The following AFDN variants were observed in gnomAD, a reference collection of about 807,000 sequenced individuals.
AFDN encodes the protein afadin.
Under a neutral mutation model 216.6 loss-of-function variants are expected in AFDN, and 68 were observed. That is an observed-to-expected ratio of 0.31 (90% CI 0.26 to 0.38). AFDN has a LOEUF of 0.38. Ranked by LOEUF, AFDN falls within the 10% of genes least tolerant of loss-of-function variation. The pLI is 1.00. For missense variants in AFDN, 2,136 were observed against 2,342.0 expected (o/e 0.91, Z 1.82); for synonymous variants, 868 against 853.7 (o/e 1.02, Z -0.29).
chr6:167,862,518 G>A (rs1184294969), intron 1 of AFDN, among the ~76,000 whole-genome samples: 1 of 152,146 alleles, frequency 6.6e-6, no homozygotes, highest in East Asian at 1.9e-4. Flanking sequence ...TGAGATTACA[G>A]GTGCCTGCCA....
At chr6:167,966,413 G>GCAGAGGAGGATCAC in intron 32 of AFDN, 1 of 660,508 alleles carries the variant, frequency 1.5e-6, no homozygotes, top group Non-Finnish European at 2.2e-6. Context: ...ACTGGTCTCG[G>GCAGAGGAGGATCAC]CATGGTGATC....
intron 1 of AFDN, among the ~76,000 whole-genome samples, chr6:167,829,424 T>C (rs2128064399): frequency 6.6e-6 from 1 of 152,292 alleles, no homozygotes; most frequent in East Asian, 1.9e-4. Flanking sequence ...TTCAATTTGC[T>C]TTGTCTAAGC....
At chr6:167,964,381 G>A in intron 31 of AFDN, 2 of 1,064,514 alleles carry the variant, frequency 1.9e-6, no homozygotes, top group Non-Finnish European at 1.1e-6. Flanking sequence ...TTAATACTAA[G>A]ATTCTTGATA....
chr6:167,876,017 T>G (rs1218008496), intron 5 of AFDN, among the ~76,000 whole-genome samples: 2 of 152,210 alleles, frequency 1.3e-5, no homozygotes, highest in Admixed American at 1.3e-4. Context: ...TAGTCATTGT[T>G]TAAATTTTCC....
chr6:167,925,164 T>C, intron 23 of AFDN, 73 bp downstream of exon 23: 1 of 1,082,504 alleles, frequency 9.2e-7, no homozygotes, highest in Non-Finnish European at 1.4e-6. Context: ...TCAGAGTGGA[T>C]CGTGTGGGAG....
intron 1 of AFDN, among the ~76,000 whole-genome samples, chr6:167,852,869 C>G (rs1176410542): frequency 1.3e-5 from 2 of 152,046 alleles, no homozygotes. Context: ...CCAAATTTGT[C>G]CAGCTGCAGT....
intron 1 of AFDN, among the ~76,000 whole-genome samples, chr6:167,862,381 GT>G (rs869277729): frequency 1.0e-3 from 151 of 147,820 alleles, no homozygotes; most frequent in Admixed American, 4.4e-3. Flanking sequence ...TAAAGGTTTG[GT>G]TTTTTTTTTT....
rs1488145345 is a variant in AFDN, at chr6:167,946,688, G to C, written c.3359-19G>C. The stretch of plus-strand genomic sequence containing the variant: ...TGAAAATAAAATCTTAAGAGATACT[G>C]AATATGCTTTGATTCCAGTTTCAGA... On this transcript the variant is annotated intron_variant, in intron 26 of 33. Coordinates refer to ENST00000683244, the MANE Select transcript of AFDN (RefSeq NM_001386888.1). The C allele has an allele frequency of 6.2e-7, 1 of 1,609,280 alleles. No homozygotes were observed. Among genetic ancestry groups the C allele is most frequent in the East Asian group, 2.2e-5 (1 of 44,828 alleles).
chr6:167,845,049 A>T (rs1015463505), intron 1 of AFDN, among the ~76,000 whole-genome samples: 1 of 151,814 alleles, frequency 6.6e-6, no homozygotes, highest in African/African-American at 2.4e-5. Flanking sequence ...TTGTATAAAG[A>T]TGTGGTCTCA....
chr6:167,913,897 C>T (rs1259070234), intron 16 of AFDN: 3 of 479,490 alleles, frequency 6.3e-6, no homozygotes, highest in Non-Finnish European at 1.1e-5. Flanking sequence ...TTGATATCTC[C>T]ATTTCTCCGC....
At chr6:167,952,320 G>A (rs531853058) in intron 30 of AFDN, 133 bp downstream of exon 30, 4 of 1,531,432 alleles carry the variant, frequency 2.6e-6, no homozygotes, top group African/African-American at 1.4e-5. Flanking sequence ...CTGTTTTATT[G>A]TATGTGTTAC....
intron 1 of AFDN, among the ~76,000 whole-genome samples, chr6:167,852,021 G>A (rs573243817): frequency 2.4e-4 from 36 of 152,122 alleles, no homozygotes; most frequent in Admixed American, 5.9e-4. Flanking sequence ...TCAGTTTGTC[G>A]TTCTTAATTT....
chr6:167,833,038 ACTGTTTT>A (rs1028754269), intron 1 of AFDN, among the ~76,000 whole-genome samples: 3 of 152,168 alleles, frequency 2.0e-5, no homozygotes, highest in Non-Finnish European at 4.4e-5. Context: ...ACTTGCTGGC[ACTGTTTT>A]TTCAGTTTCT....
At chr6:167,930,302 TGATAAAA>T (rs1793122782) in intron 23 of AFDN, among the ~76,000 whole-genome samples, 1 of 152,188 alleles carries the variant, frequency 6.6e-6, no homozygotes, top group African/African-American at 2.4e-5. Flanking sequence ...TTTTACCTAG[TGATAAAA>T]GTTTTCTTCT....
chr6:167,925,145 C>G, intron 23 of AFDN, 54 bp downstream of exon 23: 1 of 1,274,284 alleles, frequency 7.8e-7, no homozygotes, highest in Non-Finnish European at 1.1e-6. Context: ...GGCATTGAAT[C>G]AGTGGTTGTC....
intron 1 of AFDN, among the ~76,000 whole-genome samples, chr6:167,829,954 G>A (rs985047167): frequency 1.3e-5 from 2 of 152,112 alleles, no homozygotes; most frequent in Non-Finnish European, 2.9e-5. Flanking sequence ...GCTATCACTG[G>A]AGTATTTTTC....
At chr6:167,915,967 T>C (rs1178474869) in intron 19 of AFDN, among the ~76,000 whole-genome samples, 1 of 152,184 alleles carries the variant, frequency 6.6e-6, no homozygotes, top group Non-Finnish European at 1.5e-5. Flanking sequence ...ACACTTCTGG[T>C]CCCAAGCATT....
chr6:167,878,276 C>G lies in AFDN; in HGVS notation c.740-2084C>G, dbSNP rs546983780. ...CTTCATCTTCAAAACGGGGCACTAA[C>G]CAAAATCATATAGATGTTACTGCAG... is the stretch of plus-strand genomic sequence containing the variant. On this transcript the variant is annotated intron_variant, in intron 5 of 33. Coordinates refer to ENST00000683244, the MANE Select transcript of AFDN (RefSeq NM_001386888.1). Among the ~76,000 whole-genome samples, 3 of 152,236 alleles carry G rather than the reference C, an allele frequency of 2.0e-5. No homozygotes were observed. The East Asian group carries it at 5.8e-4, about 29-fold the overall frequency.
intron 30 of AFDN, among the ~76,000 whole-genome samples, chr6:167,955,472 A>G (rs9346633): frequency 0.46 from 69,380 of 151,706 alleles, 16,484 homozygotes; most frequent in East Asian, 0.8. Flanking sequence ...GTGTGTTTTG[A>G]TGTACATAAG....
Sources: gnomAD v4.1 joint callset for allele counts (sites outside exome capture counted in the v4.1 genomes callset) on GRCh38, gnomAD v4.1.1 for gene constraint, MANE v1.5 for transcripts, NCBI Gene and HGNC (gene_info 2026-07-23, HGNC 2026-07-21) for gene names.